HECW2: variants seen among roughly 807,000 people sequenced by gnomAD.
HECW2 encodes the protein HECT, C2 and WW domain containing E3 ubiquitin protein ligase 2.
In HECW2, 61 loss-of-function variants were observed where a neutral mutation model predicts 175.2. The observed-to-expected ratio is 0.35, with a 90% CI of 0.28 to 0.43. The LOEUF (loss-of-function observed/expected upper bound fraction) is 0.43. Ranked by LOEUF, HECW2 falls within the 20% of genes least tolerant of loss-of-function variation. The pLI is 1.00. For synonymous variants in HECW2, 671 were observed against 731.0 expected (o/e 0.92, Z 1.32); for missense variants, 1,524 against 2,000.5 (o/e 0.76, Z 4.54).
intron 1 of HECW2, among the ~76,000 whole-genome samples, chr2:196,523,946 T>C (rs954354759): frequency 2.6e-5 from 4 of 152,168 alleles, no homozygotes; most frequent in African/African-American, 9.7e-5. Flanking sequence ...TCTTTTTTGA[T>C]TGTGTCTCTG....
rs892473192 is a variant in HECW2 at position 196,351,894 on chromosome 2, G to A, written c.293-8130C>T. On this transcript the variant is annotated intron_variant, in intron 2 of 28. Transcript: ENST00000644978. ...GACCTGGGCAAAGAACACCCCTTCA[G>A]AGGGACTGCTTGACTGTTAAAATGG... 7.9e-5 allele frequency among the ~76,000 whole-genome samples: 12 copies of A among 152,296 alleles called. No individual in the cohort carries two copies. The East Asian group carries it at 2.3e-3, about 29-fold the overall frequency.
intron 5 of HECW2, among the ~76,000 whole-genome samples, chr2:196,328,642 G>A (rs1457891264): frequency 6.6e-6 from 1 of 152,146 alleles, no homozygotes; most frequent in African/African-American, 2.4e-5. Context: ...ATCAAGAAAA[G>A]TGGATCTAAT....
intron 2 of HECW2, among the ~76,000 whole-genome samples, chr2:196,402,200 CAAAAAAAAAAAAAA>C (rs55851966): frequency 5.7e-5 from 4 of 70,388 alleles, no homozygotes; most frequent in African/African-American, 2.1e-4. Context: ...GACTCTGTCT[CAAAAAAAAAAAAAA>C]AAAAAAAAAA....
chr2:196,527,214 A>G (rs1355028818), intron 1 of HECW2, among the ~76,000 whole-genome samples: 5 of 152,296 alleles, frequency 3.3e-5, no homozygotes, highest in Admixed American at 2.6e-4. Context: ...GAAAAGCGCA[A>G]TATTCGGGTG....
intron 10 of HECW2, among the ~76,000 whole-genome samples, chr2:196,313,869 T>C (rs1432542535): frequency 6.6e-6 from 1 of 151,992 alleles, no homozygotes; most frequent in Non-Finnish European, 1.5e-5. Flanking sequence ...CCTGGCAACA[T>C]AGTTAGACCC....
chr2:196,432,333 G>T (rs753013923), intron 2 of HECW2, among the ~76,000 whole-genome samples: 2 of 152,062 alleles, frequency 1.3e-5, no homozygotes, highest in Non-Finnish European at 2.9e-5. Flanking sequence ...CTAAATTTTG[G>T]AGAGAATTTT....
intron 1 of HECW2, among the ~76,000 whole-genome samples, chr2:196,475,248 T>A (rs2125360563): frequency 1.3e-5 from 2 of 151,476 alleles, no homozygotes. Context: ...AGTTCCCAAA[T>A]CTAATCACCA....
chr2:196,495,739 A>G (rs1342833915), intron 1 of HECW2, among the ~76,000 whole-genome samples: 1 of 152,212 alleles, frequency 6.6e-6, no homozygotes, highest in East Asian at 1.9e-4. Context: ...AATAATTGCA[A>G]CTACCTTTCG....
intron 24 of HECW2, among the ~76,000 whole-genome samples, chr2:196,221,836 A>C (rs1288297578): frequency 6.6e-6 from 1 of 152,242 alleles, no homozygotes; most frequent in Non-Finnish European, 1.5e-5. Context: ...CTGGGATTAC[A>C]GGCATGAGCC....
In HECW2 at chr2:196,257,805, T is replaced by G; in HGVS notation, c.3419+18A>C. 5 of 1,569,210 alleles carry G rather than the reference T, an allele frequency of 3.2e-6. No homozygotes were observed. Among genetic ancestry groups the G allele is most frequent in the Non-Finnish European group, 4.4e-6 (5 of 1,140,360 alleles). ...GACAAGAGACCTTCTGCTTCAAGAGTGAGTGTTACGTATGTACCTCAGCAA... is the reference window on the plus strand; with the variant it reads ...GACAAGAGACCTTCTGCTTCAAGAGGGAGTGTTACGTATGTACCTCAGCAA... On this transcript the variant is annotated intron_variant, in intron 18 of 28. Transcript: ENST00000644978.
chr2:196,257,998 G>A (rs543604022), intron 17 of HECW2, 92 bp from the exon 18 acceptor site: 12 of 867,566 alleles, frequency 1.4e-5, no homozygotes, highest in Non-Finnish European at 1.5e-5. Flanking sequence ...TAGTCATGAT[G>A]TTTTTTGGTA....
At chr2:196,351,747 G>A (rs1443481495) in intron 2 of HECW2, among the ~76,000 whole-genome samples, 2 of 152,124 alleles carry the variant, frequency 1.3e-5, no homozygotes, top group Non-Finnish European at 2.9e-5. Flanking sequence ...ACTATGTCCT[G>A]AGATTGGAAC....
At chr2:196,564,231 T>TA (rs907341075) in intron 1 of HECW2, among the ~76,000 whole-genome samples, 38 of 152,184 alleles carry the variant, frequency 2.5e-4, no homozygotes, top group South Asian at 2.1e-4. Context: ...GTCATAATTT[T>TA]AAAAAAAGGC....
chr2:196,311,161 A>G (rs1281277566), intron 10 of HECW2, among the ~76,000 whole-genome samples: 1 of 152,208 alleles, frequency 6.6e-6, no homozygotes, highest in African/African-American at 2.4e-5. Context: ...TTTCATTTGC[A>G]TAAATAGCTT....
intron 1 of HECW2, among the ~76,000 whole-genome samples, chr2:196,546,950 A>G (rs1689445442): frequency 6.6e-6 from 1 of 152,206 alleles, no homozygotes; most frequent in African/African-American, 2.4e-5. Flanking sequence ...GAGAAGGAAA[A>G]GACACAGAAA....
intron 14 of HECW2, chr2:196,292,340 T>G (rs1690632611): frequency 2.2e-6 from 1 of 461,928 alleles, no homozygotes; most frequent in East Asian, 3.3e-5. Context: ...AGTGAATGCT[T>G]TGCCAGCGTC....
chr2:196,217,148 C>A, intron 26 of HECW2, 55 bp from the exon 27 acceptor site: 1 of 1,271,854 alleles, frequency 7.9e-7, no homozygotes, highest in Middle Eastern at 1.9e-4. Context: ...TATTAAGCCA[C>A]CAAGATACGT....
chr2:196,472,561 T>C (rs535184573), intron 1 of HECW2, among the ~76,000 whole-genome samples: 1 of 151,828 alleles, frequency 6.6e-6, no homozygotes, highest in South Asian at 2.1e-4. Context: ...TACATGGAAA[T>C]TTAAAAAGGC....
chr2:196,202,369 T>C (rs988188853), intron 28 of HECW2, among the ~76,000 whole-genome samples: 1 of 152,170 alleles, frequency 6.6e-6, no homozygotes, highest in African/African-American at 2.4e-5. Flanking sequence ...CAGTGTAATG[T>C]AGTGGGAAGA....
Sources: allele counts gnomAD v4.1 joint callset (sites outside exome capture counted in the v4.1 genomes callset), GRCh38; gene constraint gnomAD v4.1.1; transcripts MANE v1.5; gene names NCBI Gene and HGNC (gene_info 2026-07-23, HGNC 2026-07-21).